Variants in SETD1A observed in about 807,000 individuals in gnomAD.
The protein encoded by SETD1A is SET domain containing 1A, histone lysine methyltransferase.
In SETD1A, 29 loss-of-function variants were observed where a neutral mutation model predicts 149.9. The ratio of observed to expected loss-of-function variants is 0.19; its 90% CI spans 0.14 to 0.26. SETD1A has a LOEUF of 0.26. SETD1A is among the 10% of genes least tolerant of loss of function. The pLI, the probability that SETD1A is intolerant of heterozygous loss-of-function variation, is 1.00. For missense variants in SETD1A, 2,109 were observed against 2,353.1 expected (o/e 0.90, Z 2.15); for synonymous variants, 1,141 against 968.5 (o/e 1.18, Z -3.31).
intron 17 of SETD1A, among the ~76,000 whole-genome samples, chr16:30,982,760 A>G (rs2056397470): frequency 6.6e-6 from 1 of 151,964 alleles, no homozygotes; most frequent in Admixed American, 6.6e-5. Flanking sequence ...GGGTGGCCCG[A>G]CCCAAGCAGT....
At position 30,965,543 on chromosome 16, in the gene SETD1A, G is replaced by C. The variant is rs1342473827; in HGVS notation, c.1720-58G>C. On this transcript the variant is annotated intron_variant, in intron 7 of 18. Coordinates refer to ENST00000262519, the MANE Select transcript of SETD1A (RefSeq NM_014712.3). ...TAGGGGAGAGGGAAGGGAACCAGAT[G>C]AGAAAGTAGGGCTTGGGTCAGGCAG... 3 of 1,594,370 alleles carry C rather than the reference G, an allele frequency of 1.9e-6. No individual in the cohort carries two copies. In the African/African-American group the frequency reaches 4.0e-5, roughly 21 times the overall value.
intron 13 of SETD1A, among the ~76,000 whole-genome samples, chr16:30,977,562 G>A (rs2056299238): frequency 6.6e-6 from 1 of 152,238 alleles, no homozygotes; most frequent in Admixed American, 6.5e-5. Context: ...CTTCGAGCGA[G>A]GCTTCCCGAG....
rs1319132522 is a variant in SETD1A, at chr16:30,969,358, C to T, written c.2824C>T (p.Pro942Ser). The T allele has an allele frequency of 1.5e-5, 24 of 1,614,194 alleles. No homozygotes were observed. Among genetic ancestry groups the T allele is most frequent in the Non-Finnish European group, 2.0e-5 (24 of 1,180,024 alleles). ...GCCAGGACGTCCGGGGACCAAGCCC[C>T]CGAAGCGGGACGAAGAGCGAGGCAA... is the stretch of plus-strand genomic sequence containing the variant. Reference protein sequence around the residue: ...GEPGRPGTKPPKRDEERGKTQ... With the variant: ...GEPGRPGTKPSKRDEERGKTQ... The change falls in exon 11 of 19, where the codon CCG (proline) becomes TCG (serine). Residue 942 changes from proline (P) to serine (S), a missense_variant. By Grantham distance (74) the Pro-to-Ser change is moderately conservative (BLOSUM62 -1). Transcript: ENST00000262519.
At position 30,964,887 on chromosome 16, in the gene SETD1A, A is replaced by G. The variant is rs747180736; in HGVS notation, c.1145A>G (p.Tyr382Cys). 4.3e-6 allele frequency: 7 copies of G among 1,614,028 alleles called. No homozygotes were observed. Among genetic ancestry groups the G allele is most frequent in the East Asian group, 2.2e-5 (1 of 44,872 alleles). Reference sequence around the variant, plus strand: ...AATCGCTACCAGCGCCATACTTCCTACCCACCACGCCGGGCCACACGGGAG... The same window carrying G: ...AATCGCTACCAGCGCCATACTTCCTGCCCACCACGCCGGGCCACACGGGAG... ...SWNRYQRHTS[Y>C]PPRRATREEP... The change falls in exon 7 of 19, where the codon TAC becomes TGC. Residue 382 changes from tyrosine (Y) to cysteine (C), a missense_variant. Tyr to Cys is a radical substitution (Grantham distance 194). Transcript: ENST00000262519.
Position 30,958,872 on chromosome 16 carries a change from C to T in SETD1A, c.141C>T (p.Phe47=), listed in dbSNP as rs2056005469. ...TGTACCGCTATGATGGAGTCCACTT[C>T]AGTGTCAACGTGAGTGCCCGGGTCT... ...QKVYRYDGVH[F]SVNDSKYIPV... The change falls in exon 2 of 19, where the codon TTC becomes TTT. Residue 47 remains phenylalanine (F), a synonymous_variant. Coordinates refer to ENST00000262519, the MANE Select transcript of SETD1A (RefSeq NM_014712.3). The T allele has an allele frequency of 1.9e-6, 3 of 1,614,180 alleles. No individual in the cohort carries two copies. Among genetic ancestry groups the T allele is most frequent in the Non-Finnish European group, 2.5e-6 (3 of 1,180,018 alleles).
rs1436039237 is a variant in SETD1A at position 30,980,336 on chromosome 16, T to C, written c.4408+142T>C. On this transcript the variant is annotated intron_variant, in intron 14 of 18. Coordinates refer to ENST00000262519, the MANE Select transcript of SETD1A (RefSeq NM_014712.3). The surrounding 1 kb of genome is among the most constrained non-coding windows in gnomAD (Gnocchi z 7.7). ...TCCTCCTGGTGCCTCTTTTCTGCCT[T>C]CCAAAGCATTTCTGGCAGGAACGAT... 8 of 1,439,840 alleles carry C rather than the reference T, an allele frequency of 5.6e-6. No individual in the cohort carries two copies. Among genetic ancestry groups the C allele is most frequent in the Non-Finnish European group, 7.4e-6 (8 of 1,074,274 alleles). The allele number at this position is 1,439,840 out of a possible 1,614,324, so 89.2% of individuals were successfully genotyped here. A position where few individuals can be genotyped will look rare whatever the true frequency, so the allele number is the denominator to read the frequency against.
rs138168130 is a variant in SETD1A at position 30,971,395 on chromosome 16, G to T, written c.3034G>T (p.Asp1012Tyr). 154 of 1,585,814 alleles carry T rather than the reference G, an allele frequency of 9.7e-5. No homozygotes were observed. In the African/African-American group the frequency reaches 1.9e-3, roughly 19 times the overall value. ...ATTTCCAGGCGAGGACGAGGAAAGCGATTCGTCTTCCAAATGTTCTCTGTA... is the reference window on the plus strand; with the variant it reads ...ATTTCCAGGCGAGGACGAGGAAAGCTATTCGTCTTCCAAATGTTCTCTGTA... ...EVSDGEDEES[D>Y]SSSKCSLYAD... is the part of the protein sequence containing the mutation. The change falls in exon 13 of 19, where the codon GAT becomes TAT. Residue 1012 changes from aspartate to tyrosine, a missense_variant. Coordinates refer to ENST00000262519, the MANE Select transcript of SETD1A (RefSeq NM_014712.3).
chr16:30,979,327 C>A lies in SETD1A; in HGVS notation c.3541C>A (p.Pro1181Thr), dbSNP rs1230979131. 1.2e-6 allele frequency: 2 copies of A among 1,613,288 alleles called. No individual in the cohort carries two copies. Among genetic ancestry groups the A allele is most frequent in the Non-Finnish European group, 1.7e-6 (2 of 1,179,702 alleles). ...CATCGAGGTGGTGCCAGCCCCGGAG[C>A]CCCCTCCAGCCACACCGCCGCAGGC... ...SAIEVVPAPE[P>T]PPATPPQAKF... Residue 1181 changes from proline (P) to threonine (T), a missense_variant, in exon 14 of 19, where the codon CCC becomes ACC. This residue lies in a region of SETD1A where 832 missense variants were observed against 815.6 expected (regional missense o/e 1.02). Coordinates refer to ENST00000262519, the MANE Select transcript of SETD1A (RefSeq NM_014712.3).
chr16:30,960,177 G>C (rs987898134), intron 3 of SETD1A, among the ~76,000 whole-genome samples: 2 of 152,058 alleles, frequency 1.3e-5, no homozygotes, highest in African/African-American at 4.8e-5. Flanking sequence ...TCTTGCCTCA[G>C]TTTCTCCTCT....
intron 13 of SETD1A, 58 bp downstream of exon 13, chr16:30,971,777 C>T: frequency 1.3e-6 from 2 of 1,498,256 alleles, no homozygotes; most frequent in Non-Finnish European, 1.8e-6. Context: ...AGAGAGAAAA[C>T]AGTGGTGCTT....
At chr16:30,959,462 A>G (rs1233549195) in intron 3 of SETD1A, among the ~76,000 whole-genome samples, 3 of 152,168 alleles carry the variant, frequency 2.0e-5, no homozygotes, top group African/African-American at 7.2e-5. Context: ...ATCACTGTAT[A>G]TTCGTAGACA....
At chr16:30,967,903 T>C (rs2056170250) in intron 10 of SETD1A, among the ~76,000 whole-genome samples, 1 of 152,200 alleles carries the variant, frequency 6.6e-6, no homozygotes. Context: ...CTGATGCTAA[T>C]GCCCTCCTAC....
Position 30,983,278 on chromosome 16 carries a change from G to C in SETD1A, c.4813-357G>C, listed in dbSNP as rs2056404871. The stretch of plus-strand genomic sequence containing the variant: ...AGGAGAGATGAGCAGGGTGCCGTTG[G>C]TGACATGGCCAGTCATTTCAGGAGC... On this transcript the variant is annotated intron_variant, in intron 17 of 18. Transcript: ENST00000262519. This position sits in a 1 kb window ranked among gnomAD's most constrained non-coding sequence, Gnocchi z 6.8. 6.6e-6 allele frequency among the ~76,000 whole-genome samples: 1 copy of C among 152,172 alleles called. No homozygotes were observed. The highest frequency in any genetic ancestry group is 2.1e-4 in the South Asian group (1 of 4,824).
In SETD1A at chr16:30,965,998, C is replaced by G; in HGVS notation, c.2117C>G (p.Pro706Arg). Residue 706 changes from proline to arginine, a missense_variant, in exon 8 of 19, where the codon CCC becomes CGC. This residue lies in a region of SETD1A where 431 missense variants were observed against 388.6 expected (regional missense o/e 1.11). Coordinates refer to ENST00000262519, the MANE Select transcript of SETD1A (RefSeq NM_014712.3). ...GKGLIAASAG[P>R]PGGAFGEAFL... ...GGATTGATTGCCGCCTCAGCTGGCC[C>G]CCCCGGTGGGGCCTTTGGGGAGGCC... The G allele has an allele frequency of 6.3e-7, 1 of 1,576,560 alleles. No homozygotes were observed. Among genetic ancestry groups the G allele is most frequent in the Non-Finnish European group, 8.6e-7 (1 of 1,161,186 alleles).
Position 30,965,719 on chromosome 16 carries a change from C to T in SETD1A, c.1838C>T (p.Pro613Leu), listed in dbSNP as rs773148335. 1 of 1,586,568 alleles carries T rather than the reference C, an allele frequency of 6.3e-7. No individual in the cohort carries two copies. Among genetic ancestry groups the T allele is most frequent in the Admixed American group, 1.7e-5 (1 of 57,894 alleles). The change falls in exon 8 of 19, where the codon CCT (proline) becomes CTT (leucine). Residue 613 changes from proline to leucine, a missense_variant. By Grantham distance (98) the Pro-to-Leu change is moderately conservative (BLOSUM62 -3). Around this residue, in one of 8 missense-constraint regions of SETD1A, gnomAD observed 431 missense variants for 388.6 expected, o/e 1.11. Transcript: ENST00000262519. ...CCGCCACCTCCCCCTCCCCCGCCGC[C>T]TCCTCCTCCCTACCTGGCGTCCCTT... The part of the protein sequence containing the change: ...QPPPPPPPPP[P>L]PPPYLASLPL...
At position 30,966,157 on chromosome 16, in the gene SETD1A, T is replaced by C. The variant is rs1053926069; in HGVS notation, c.2276T>C (p.Leu759Pro). ...HLPMPMAAEP[L>P]PSSSVSGEEA... ...CCCATGCCAATGGCAGCCGAGCCCC[T>C]GCCCTCCTCCTCAGTCTCGGGAGAG... is the stretch of plus-strand genomic sequence containing the variant. The change falls in exon 8 of 19, where the codon CTG becomes CCG. Residue 759 changes from leucine (L) to proline (P), a missense_variant. Physicochemically the swap from Leu to Pro is moderately conservative, Grantham distance 98. This residue lies in a region of SETD1A where 431 missense variants were observed against 388.6 expected (regional missense o/e 1.11). Transcript: ENST00000262519. 4 of 1,608,522 alleles carry C rather than the reference T, an allele frequency of 2.5e-6. No homozygotes were observed. The highest frequency in any genetic ancestry group is 2.5e-6 in the Non-Finnish European group (3 of 1,177,020).
chr16:30,982,829 G>GT (rs2056398409), intron 17 of SETD1A, among the ~76,000 whole-genome samples: 1 of 152,150 alleles, frequency 6.6e-6, no homozygotes, highest in African/African-American at 2.4e-5. Context: ...GGGCTCAGCA[G>GT]TGAGAGGGTG....
rs200727729 is a variant in SETD1A at position 30,959,750 on chromosome 16, TTC to T, written c.246+566_246+567del. Among the ~76,000 whole-genome samples the T allele has an allele frequency of 1.6e-3, 218 of 133,276 alleles. 1 individual carries two copies. Among genetic ancestry groups the T allele is most frequent in the Admixed American group, 5.2e-3 (67 of 12,766 alleles). 87.4% of individuals were successfully genotyped at this position (133,276 alleles called of 152,430 possible). ...TTGTGGGGTCCCTTCATTCTTCTTC[TTC>T]TTTTTTTTTTTTTTACTTTGTACAC... On this transcript the variant is annotated intron_variant, in intron 3 of 18. Coordinates refer to ENST00000262519, the MANE Select transcript of SETD1A (RefSeq NM_014712.3).
In SETD1A at chr16:30,979,632, A is replaced by G. The variant is rs199743312; in HGVS notation, c.3846A>G (p.Thr1282=). The G allele has an allele frequency of 4.1e-4, 662 of 1,610,870 alleles. 2 individuals carry two copies. The highest frequency in any genetic ancestry group is 4.0e-3 in the Middle Eastern group (24 of 6,058). ...TTGAAGACTCAGAGGCCACAGAGAC[A>G]TCGGACGAGGCCGAGCGCCCTAGGC... ...PAVEDSEATE[T]SDEAERPRPL... is the part of the protein sequence containing the mutation. The change falls in exon 14 of 19, where the codon ACA becomes ACG. Residue 1282 remains threonine, a synonymous_variant. Coordinates refer to ENST00000262519, the MANE Select transcript of SETD1A (RefSeq NM_014712.3).
Sources: allele counts gnomAD v4.1 joint callset (sites outside exome capture counted in the v4.1 genomes callset), GRCh38; gene constraint gnomAD v4.1.1; regional missense constraint gnomAD v4.1.1; non-coding constraint Gnocchi (gnomAD v3.1); transcripts MANE v1.5; gene names NCBI Gene and HGNC (gene_info 2026-07-23, HGNC 2026-07-21).